Variants in HSD17B12 observed in about 807,000 individuals in gnomAD.
The protein encoded by HSD17B12 is hydroxysteroid 17-beta dehydrogenase 12, also known as very-long-chain 3-oxoacyl-CoA reductase.
In HSD17B12, 32 loss-of-function variants were observed where a neutral mutation model predicts 39.3. That is an observed-to-expected ratio of 0.81 (90% CI 0.61 to 1.09). The LOEUF (loss-of-function observed/expected upper bound fraction) is 1.09. Ranked by LOEUF, HSD17B12 falls within the 50% of genes least tolerant of loss-of-function variation. The pLI, the probability that HSD17B12 is intolerant of heterozygous loss-of-function variation, is 0.00. For missense variants in HSD17B12, 342 were observed against 382.9 expected, an observed-to-expected ratio of 0.89 and a Z score of 0.89; for synonymous variants, 150 against 146.7, an observed-to-expected ratio of 1.02 and a Z score of -0.16.
chr11:43,794,399 C>A (rs563907629), intron 3 of HSD17B12, among the ~76,000 whole-genome samples: 36 of 152,222 alleles, frequency 2.4e-4, no homozygotes, highest in East Asian at 9.6e-4. Context: ...TTAATGTAAT[C>A]CCAATCAAAA....
At chr11:43,570,848 T>G in the HSD17B12 span, among the ~76,000 whole-genome samples, 4 of 152,216 alleles carry the variant, frequency 2.6e-5, no homozygotes, top group Non-Finnish European at 5.9e-5. Flanking sequence ...CTAGCACTGA[T>G]GGAAGATACC....
the HSD17B12 span, among the ~76,000 whole-genome samples, chr11:43,626,397 T>C: frequency 3.6e-3 from 544 of 152,016 alleles, 3 homozygotes; most frequent in Non-Finnish European, 5.9e-3. Context: ...TTTCCATTTG[T>C]ATATAATTCT....
intron 1 of HSD17B12, among the ~76,000 whole-genome samples, chr11:43,743,580 CCTGA>C (rs1401829042): frequency 2.6e-5 from 4 of 152,170 alleles, no homozygotes; most frequent in African/African-American, 9.7e-5. Context: ...AGATGAGACA[CCTGA>C]CTGAGAACAG....
chr11:43,598,470 G>T, the HSD17B12 span, among the ~76,000 whole-genome samples: 1 of 151,606 alleles, frequency 6.6e-6, no homozygotes, highest in Admixed American at 6.6e-5. Flanking sequence ...CCCCATTTCT[G>T]TCCACGCGAG....
the HSD17B12 span, among the ~76,000 whole-genome samples, chr11:43,606,179 A>G: frequency 2.6e-5 from 4 of 152,236 alleles, no homozygotes; most frequent in Non-Finnish European, 5.9e-5. Context: ...GTGTAGTAGT[A>G]TTTAATCAAT....
chr11:43,854,661 T>A, intron 9 of HSD17B12, 54 bp from the exon 10 acceptor site: 2 of 1,587,804 alleles, frequency 1.3e-6, no homozygotes, highest in Non-Finnish European at 8.6e-7. Context: ...CATTCTGAGT[T>A]TGTGGCCTTA....
chr11:43,565,730 C>T, the HSD17B12 span, among the ~76,000 whole-genome samples: 2,901 of 152,278 alleles, frequency 0.019, 41 homozygotes, highest in Middle Eastern at 0.031. Flanking sequence ...TAATGACTCC[C>T]TTTTGTTCTG....
At chr11:43,757,495 C>T (rs1191787063) in intron 3 of HSD17B12, among the ~76,000 whole-genome samples, 4 of 149,334 alleles carry the variant, frequency 2.7e-5, no homozygotes, top group East Asian at 2.0e-4. Flanking sequence ...TAGCCGGGCG[C>T]GGTGGCGGGC....
At chr11:43,625,857 A>T in the HSD17B12 span, among the ~76,000 whole-genome samples, 1 of 151,418 alleles carries the variant, frequency 6.6e-6, no homozygotes, top group African/African-American at 2.4e-5. Context: ...TCTCACAAGG[A>T]ATTCTTGGCA....
intron 1 of HSD17B12, among the ~76,000 whole-genome samples, chr11:43,745,756 G>A (rs1044345191): frequency 2.6e-5 from 4 of 152,142 alleles, no homozygotes; most frequent in African/African-American, 9.7e-5. Context: ...AAAGGGCCAA[G>A]GATGGTGTCT....
intron 1 of HSD17B12, among the ~76,000 whole-genome samples, chr11:43,685,966 G>T (rs1436430080): frequency 1.3e-5 from 2 of 152,216 alleles, no homozygotes; most frequent in Non-Finnish European, 2.9e-5. Flanking sequence ...ATTTTCTTCA[G>T]ATTTGCAACC....
intron 9 of HSD17B12, among the ~76,000 whole-genome samples, chr11:43,847,672 A>C (rs567326720): frequency 7.6e-6 from 1 of 130,904 alleles, no homozygotes; most frequent in Non-Finnish European, 1.5e-5. Context: ...GTGTCACTGC[A>C]CTCCAGCCTC....
chr11:43,705,760 TC>T (rs58777110), intron 1 of HSD17B12, among the ~76,000 whole-genome samples: 29,207 of 91,564 alleles, frequency 0.32, 4,752 homozygotes, highest in Non-Finnish European at 0.36. Context: ...TCCTCTCTCC[TC>T]TTTTTTTTTT....
At chr11:43,754,878 T>C in intron 3 of HSD17B12, 1 of 760,276 alleles carries the variant, frequency 1.3e-6, no homozygotes, top group Non-Finnish European at 2.4e-6. Flanking sequence ...CTTAGGCAAT[T>C]ATACTTGAGA....
chr11:43,649,165 G>A, the HSD17B12 span, among the ~76,000 whole-genome samples: 3 of 151,938 alleles, frequency 2.0e-5, no homozygotes, highest in East Asian at 5.8e-4. Context: ...AGTTTATAAG[G>A]GGAGAAAAGG....
the HSD17B12 span, among the ~76,000 whole-genome samples, chr11:43,647,249 A>G: frequency 6.6e-6 from 1 of 152,032 alleles, no homozygotes; most frequent in Non-Finnish European, 1.5e-5. Flanking sequence ...TTTCCCGCAT[A>G]TAACTATTCA....
the HSD17B12 span, among the ~76,000 whole-genome samples, chr11:43,561,037 G>A: frequency 6.6e-6 from 1 of 152,162 alleles, no homozygotes; most frequent in South Asian, 2.1e-4. Flanking sequence ...ACAGCTTTGA[G>A]GGGAGAATTC....
At chr11:43,829,962 T>C (rs1189379853) in intron 6 of HSD17B12, 2 of 152,218 alleles carry the variant, frequency 1.3e-5, no homozygotes, top group African/African-American at 4.8e-5. Context: ...CTGATGTACA[T>C]CTGTACTACC....
At chr11:43,595,005 G>C in the HSD17B12 span, among the ~76,000 whole-genome samples, 2 of 152,056 alleles carry the variant, frequency 1.3e-5, no homozygotes, top group South Asian at 2.1e-4. Context: ...ATGTGGCCTT[G>C]GGTAAAACGG....
Sources: allele counts gnomAD v4.1 joint callset (sites outside exome capture counted in the v4.1 genomes callset), GRCh38; gene constraint gnomAD v4.1.1; transcripts MANE v1.5; gene names NCBI Gene and HGNC (gene_info 2026-07-23, HGNC 2026-07-21).